DACH2: variants seen among roughly 807,000 people sequenced by gnomAD.
DACH2 encodes the protein dachshund homolog 2.
Under a neutral mutation model 35.8 loss-of-function variants are expected in DACH2, and 17 were observed. That is an observed-to-expected ratio of 0.48 (90% CI 0.33 to 0.71). The LOEUF (loss-of-function observed/expected upper bound fraction) is 0.71. Ranked by LOEUF, DACH2 falls within the 30% of genes least tolerant of loss-of-function variation. The pLI, the probability that DACH2 is intolerant of heterozygous loss-of-function variation, is 0.02. For missense variants in DACH2, 469 were observed against 472.7 expected (o/e 0.99, Z 0.07); for synonymous variants, 195 against 177.3 (o/e 1.10, Z -0.79).
Position 86,227,706 on chromosome X carries a change from T to G in DACH2, c.488+78598T>G, listed in dbSNP as rs760172203. The stretch of plus-strand genomic sequence containing the variant: ...TTCCTTTCTTTTCCCTTCTATTTCC[T>G]GTCCTATGCTATTCTTCTTTTAAAA... On this transcript the variant is annotated intron_variant, in intron 1 of 11. Coordinates refer to ENST00000373125, the MANE Select transcript of DACH2 (RefSeq NM_053281.3). Among the ~76,000 whole-genome samples, 9 of 109,373 alleles carry G rather than the reference T, an allele frequency of 8.2e-5. No homozygotes were observed. In the East Asian group the frequency reaches 2.6e-3, roughly 31 times the overall value. The allele number at this position is 109,373 out of a possible 115,157, so 95.0% of individuals were successfully genotyped here. A position where few individuals can be genotyped will look rare whatever the true frequency, so the allele number is the denominator to read the frequency against.
chrX:86,242,226 A>G (rs917252714), intron 1 of DACH2, among the ~76,000 whole-genome samples: 5 of 112,338 alleles, frequency 4.5e-5, no homozygotes, highest in Non-Finnish European at 9.4e-5. Context: ...AAGCAGCCAA[A>G]GGTGCTGTAC....
At chrX:86,464,923 C>A (rs1022144110) in intron 2 of DACH2, among the ~76,000 whole-genome samples, 4 of 111,507 alleles carry the variant, frequency 3.6e-5, no homozygotes, top group Admixed American at 9.6e-5. Context: ...CAATTTTGTA[C>A]AACTCATAAT....
intron 3 of DACH2, among the ~76,000 whole-genome samples, chrX:86,616,803 A>G (rs1179012120): frequency 1.8e-5 from 2 of 112,225 alleles, no homozygotes; most frequent in East Asian, 5.6e-4. Flanking sequence ...TTTTGTGGCA[A>G]TCGCTTTTGG....
At chrX:86,428,491 G>T (rs1197450246) in intron 2 of DACH2, among the ~76,000 whole-genome samples, 1 of 111,863 alleles carries the variant, frequency 8.9e-6, no homozygotes, top group Non-Finnish European at 1.9e-5. Flanking sequence ...TCAGACGGAT[G>T]ACTAATTACT....
At chrX:86,597,669 T>TTATC (rs1323946371) in intron 3 of DACH2, among the ~76,000 whole-genome samples, 1 of 111,838 alleles carries the variant, frequency 8.9e-6, no homozygotes, top group African/African-American at 3.2e-5. Context: ...GATGTCTTGT[T>TTATC]TATCTAATTG....
At chrX:86,801,210 T>A (rs2042290464) in intron 7 of DACH2, among the ~76,000 whole-genome samples, 1 of 99,981 alleles carries the variant, frequency 1.0e-5, no homozygotes, top group Admixed American at 1.0e-4. Context: ...GCTCAGTGCA[T>A]CAATTTTTTT....
chrX:86,744,819 C>A (rs1270447815), intron 7 of DACH2, among the ~76,000 whole-genome samples: 3 of 111,400 alleles, frequency 2.7e-5, no homozygotes, highest in Non-Finnish European at 5.7e-5. Context: ...AATAAATCGA[C>A]CAAATTAATC....
intron 3 of DACH2, among the ~76,000 whole-genome samples, chrX:86,562,893 C>G (rs181495368): frequency 1.0e-3 from 114 of 111,557 alleles, no homozygotes; most frequent in Non-Finnish European, 1.8e-3. Flanking sequence ...CCAACATTTA[C>G]TTGGAAACAG....
intron 2 of DACH2, among the ~76,000 whole-genome samples, chrX:86,443,555 T>A (rs1222465535): frequency 1.8e-5 from 2 of 110,008 alleles, no homozygotes; most frequent in African/African-American, 3.3e-5. Context: ...TATTACTGTG[T>A]TGAAAAAGAA....
At chrX:86,380,839 A>G (rs2148108324) in intron 2 of DACH2, among the ~76,000 whole-genome samples, 1 of 110,360 alleles carries the variant, frequency 9.1e-6, no homozygotes, top group Non-Finnish European at 1.9e-5. Context: ...TTGTTTTAAG[A>G]TGTATCAAAC....
At chrX:86,294,357 C>T (rs1434846181) in intron 1 of DACH2, among the ~76,000 whole-genome samples, 2 of 109,355 alleles carry the variant, frequency 1.8e-5, no homozygotes, top group African/African-American at 3.3e-5. Context: ...AACTTCTTTG[C>T]CTTTGGTTTG....
intron 2 of DACH2, among the ~76,000 whole-genome samples, chrX:86,445,794 G>A (rs1007535445): frequency 9.0e-5 from 10 of 110,617 alleles, no homozygotes; most frequent in Non-Finnish European, 1.7e-4. Flanking sequence ...TCTATCCTAG[G>A]GAATGTTCCA....
intron 1 of DACH2, among the ~76,000 whole-genome samples, chrX:86,265,843 C>T (rs1373562981): frequency 2.7e-5 from 3 of 111,582 alleles, no homozygotes; most frequent in African/African-American, 9.8e-5. Flanking sequence ...ATAAAATACA[C>T]ATAAATAACA....
chrX:86,328,814 A>G (rs2035161389), intron 1 of DACH2, among the ~76,000 whole-genome samples: 1 of 111,528 alleles, frequency 9.0e-6, no homozygotes, highest in Non-Finnish European at 1.9e-5. Flanking sequence ...TTTTTAGGAC[A>G]GCAATCTGAA....
At position 86,734,222 on chromosome X, in the gene DACH2, A is replaced by G. The variant is rs2041569801; in HGVS notation, c.1105-5525A>G. ...TTTGTTCAGACACCACATAGGTCAC[A>G]CAAAGGGTGTGTGTATTATTTTGGA... On this transcript the variant is annotated intron_variant, in intron 6 of 11. Coordinates refer to ENST00000373125, the MANE Select transcript of DACH2 (RefSeq NM_053281.3). Among the ~76,000 whole-genome samples the G allele has an allele frequency of 2.7e-5, 3 of 111,145 alleles. No individual in the cohort carries two copies. In the Admixed American group the frequency reaches 2.9e-4, roughly 11 times the overall value.
At chrX:86,435,106 T>A (rs2037046901) in intron 2 of DACH2, among the ~76,000 whole-genome samples, 1 of 111,403 alleles carries the variant, frequency 9.0e-6, no homozygotes, top group African/African-American at 3.3e-5. Flanking sequence ...GGGATTACAA[T>A]TCAACATGAG....
At chrX:86,332,071 G>A in intron 1 of DACH2, among the ~76,000 whole-genome samples, 1 of 111,297 alleles carries the variant, frequency 9.0e-6, no homozygotes, top group African/African-American at 3.3e-5. Flanking sequence ...ACAGTATAGT[G>A]ACTGAGGTTT....
At chrX:86,744,509 G>A (rs2041690791) in intron 7 of DACH2, among the ~76,000 whole-genome samples, 1 of 111,564 alleles carries the variant, frequency 9.0e-6, no homozygotes, top group Non-Finnish European at 1.9e-5. Context: ...GTATCATCAT[G>A]ATTTTAAAAA....
intron 2 of DACH2, among the ~76,000 whole-genome samples, chrX:86,438,157 G>A: frequency 9.6e-6 from 1 of 104,426 alleles, no homozygotes; most frequent in African/African-American, 3.5e-5. Context: ...TCCTTCATTA[G>A]TTTGCTTAGG....
Sources: allele counts gnomAD v4.1 joint callset (sites outside exome capture counted in the v4.1 genomes callset), GRCh38; gene constraint gnomAD v4.1.1; transcripts MANE v1.5; gene names NCBI Gene and HGNC (gene_info 2026-07-23, HGNC 2026-07-21).